The following ZNF462 variants were observed in gnomAD, a reference collection of about 807,000 sequenced individuals.
ZNF462 encodes zinc finger PBX1-interacting protein.
In ZNF462, 10 loss-of-function variants were observed where a neutral mutation model predicts 201.9. The ratio of observed to expected loss-of-function variants is 0.05; its 90% CI spans 0.03 to 0.08. The LOEUF (loss-of-function observed/expected upper bound fraction) is 0.08, where lower values mean the gene tolerates loss of function less well. ZNF462 is among the 10% of genes least tolerant of loss of function. The pLI, the probability that ZNF462 is intolerant of heterozygous loss-of-function variation, is 1.00. For missense variants in ZNF462, 2,523 were observed against 3,168.3 expected, an observed-to-expected ratio of 0.80 and a Z score of 4.89; for synonymous variants, 1,227 against 1,193.3, an observed-to-expected ratio of 1.03 and a Z score of -0.58.
chr9:106,924,028 C>A lies in ZNF462; in HGVS notation c.221-105C>A. On this transcript the variant is annotated intron_variant, in intron 2 of 12. Transcript: ENST00000277225. The surrounding 1 kb of genome is among the most constrained non-coding windows in gnomAD (Gnocchi z 6.2). ...TCATCTTGAGACTTCAGGCCTTTTG[C>A]ATGTGATGTTTAGTAATGAAGAATA... 1.0e-6 allele frequency: 1 copy of A among 982,940 alleles called. No homozygotes were observed. Among genetic ancestry groups the A allele is most frequent in the Non-Finnish European group, 1.5e-6 (1 of 677,162 alleles). 60.9% of individuals were successfully genotyped at this position (982,940 alleles called of 1,614,324 possible).
In ZNF462 at chr9:106,935,521, A is replaced by G. The variant is rs1187520226; in HGVS notation, c.6135A>G (p.Gln2045=). Residue 2045 remains glutamine (Q), a synonymous_variant, in exon 6 of 13, where the codon CAA becomes CAG. Transcript: ENST00000277225. The surrounding 1 kb of genome is among the most constrained non-coding windows in gnomAD (Gnocchi z 4.1). ...CATCAAGTTTGGATCGCCATATGCAAACCCACCACGGACACCATAAACCAT... is the reference window on the plus strand; with the variant it reads ...CATCAAGTTTGGATCGCCATATGCAGACCCACCACGGACACCATAAACCAT... The part of the protein sequence containing the change: ...AFRHNLDRHM[Q]THHGHHKPFR... 1.2e-6 allele frequency: 2 copies of G among 1,614,066 alleles called. No individual in the cohort carries two copies. Among genetic ancestry groups the G allele is most frequent in the South Asian group, 1.1e-5 (1 of 91,064 alleles).
chr9:106,967,530 AG>A lies in ZNF462; in HGVS notation c.6428-4473del, dbSNP rs1177104220. ...GCAAAAAAAAAAGTCCAATTTCTCC[AG>A]GAACATGAAAAATGAGAGGGTTAGG... On this transcript the variant is annotated intron_variant, in intron 7 of 12. Coordinates refer to ENST00000277225, the MANE Select transcript of ZNF462 (RefSeq NM_021224.6). Among the ~76,000 whole-genome samples, 3 of 152,068 alleles carry A rather than the reference AG, an allele frequency of 2.0e-5. No homozygotes were observed. The East Asian group carries it at 5.8e-4, about 29-fold the overall frequency.
chr9:106,930,256 G>A lies in ZNF462; in HGVS notation c.5848-269G>A, dbSNP rs1342839479. On this transcript the variant is annotated intron_variant, in intron 3 of 12. Transcript: ENST00000277225. The surrounding 1 kb of genome is among the most constrained non-coding windows in gnomAD (Gnocchi z 5.8). ...CTAGTTGAAACTGGTTTGAAAACCA[G>A]ATGACTTAGTGGCAGTGACGATGAG... 7.9e-5 allele frequency among the ~76,000 whole-genome samples: 12 copies of A among 152,178 alleles called. No homozygotes were observed.
chr9:106,922,027 A>C (rs1389171562), intron 1 of ZNF462, among the ~76,000 whole-genome samples: 5 of 152,242 alleles, frequency 3.3e-5, no homozygotes, highest in African/African-American at 1.2e-4. Flanking sequence ...GGCGATCAGG[A>C]GGAGCATTCT....
intron 1 of ZNF462, among the ~76,000 whole-genome samples, chr9:106,908,845 C>T (rs2131269488): frequency 7.7e-6 from 1 of 129,352 alleles, no homozygotes; most frequent in African/African-American, 2.9e-5. Flanking sequence ...TTGTTAACTT[C>T]AGAAATGAAA....
At chr9:106,964,141 A>G (rs540733145) in intron 7 of ZNF462, among the ~76,000 whole-genome samples, 1 of 151,982 alleles carries the variant, frequency 6.6e-6, no homozygotes, top group Non-Finnish European at 1.5e-5. Flanking sequence ...ATGGGAGTAC[A>G]TATCTCTTCA....
rs1564086724 is a variant in ZNF462, at chr9:106,902,522, G to GTTT, written c.-30-20831_-30-20830insTTT. On this transcript the variant is annotated intron_variant, in intron 1 of 12. Transcript: ENST00000277225. The surrounding 1 kb of genome is among the most constrained non-coding windows in gnomAD (Gnocchi z 4.2). ...GTACAAATTCTTTTTTGAATGTCTCGTAGAATTCTGCTGTGAATCCATCTG... is the reference window on the plus strand; with the variant it reads ...GTACAAATTCTTTTTTGAATGTCTCGTTTTAGAATTCTGCTGTGAATCCATCTG... 6.6e-6 allele frequency among the ~76,000 whole-genome samples: 1 copy of GTTT among 152,016 alleles called. No homozygotes were observed. The highest frequency in any genetic ancestry group is 1.9e-4 in the East Asian group (1 of 5,184).
chr9:106,909,577 T>C (rs1416183044), intron 1 of ZNF462, among the ~76,000 whole-genome samples: 1 of 152,174 alleles, frequency 6.6e-6, no homozygotes, highest in East Asian at 1.9e-4. Flanking sequence ...GAAAATCATT[T>C]TTTATTACTT....
intron 1 of ZNF462, among the ~76,000 whole-genome samples, chr9:106,864,052 CTCTCTCTCTCTCTCTCT>C (rs1827186677): frequency 1.8e-5 from 1 of 55,994 alleles, no homozygotes; most frequent in African/African-American, 8.4e-5. Context: ...CTCTCTCTCT[CTCTCTCTCTCTCTCTCT>C]CTCTCTCTCT....
chr9:106,964,210 G>A (rs886264444), intron 7 of ZNF462, among the ~76,000 whole-genome samples: 5 of 151,896 alleles, frequency 3.3e-5, no homozygotes, highest in African/African-American at 4.8e-5. Flanking sequence ...TTGATCATAC[G>A]ATAGTTCTGT....
intron 7 of ZNF462, among the ~76,000 whole-genome samples, chr9:106,971,434 C>G (rs1248412480): frequency 1.3e-5 from 2 of 151,486 alleles, no homozygotes; most frequent in Non-Finnish European, 2.9e-5. Context: ...ACTTTGAAAC[C>G]TTTAACCTCA....
In ZNF462 at chr9:106,932,237, CATGT is replaced by C; in HGVS notation, c.6013-208_6013-205del. ...ATGGATATTTATTTTGTTGGTGGGG[CATGT>C]GTGTGTGTGTGGTTCTCTTAGCAGG... is the stretch of plus-strand genomic sequence containing the variant. On this transcript the variant is annotated intron_variant, in intron 4 of 12. Coordinates refer to ENST00000277225, the MANE Select transcript of ZNF462 (RefSeq NM_021224.6). This position sits in a 1 kb window ranked among gnomAD's most constrained non-coding sequence, Gnocchi z 6.8. The C allele has an allele frequency of 6.5e-7, 1 of 1,546,800 alleles. No individual in the cohort carries two copies.
Position 106,929,198 on chromosome 9 carries a change from G to T in ZNF462, c.5286G>T (p.Arg1762=). Residue 1762 remains arginine, a synonymous_variant, in exon 3 of 13, where the codon CGG becomes CGT. Transcript: ENST00000277225. The surrounding 1 kb of genome is among the most constrained non-coding windows in gnomAD (Gnocchi z 8.7). ...DSPQLSEELR[R]AVEKKKCSLC... The stretch of plus-strand genomic sequence containing the variant: ...CTCAGCTGAGCGAGGAACTCCGGCG[G>T]GCAGTGGAGAAGAAAAAGTGCTCCT... 6.2e-7 allele frequency: 1 copy of T among 1,614,166 alleles called. No individual in the cohort carries two copies. Among genetic ancestry groups the T allele is most frequent in the East Asian group, 2.2e-5 (1 of 44,864 alleles).
At chr9:106,861,245 A>G (rs1827057960), upstream of ZNF462, among the ~76,000 whole-genome samples, 1 of 151,918 alleles carries the variant, frequency 6.6e-6, no homozygotes, top group Admixed American at 6.6e-5. Context: ...GGGTCGGGAA[A>G]ATCTTGGAAA....
intron 1 of ZNF462, among the ~76,000 whole-genome samples, chr9:106,871,312 A>T (rs562187653): frequency 2.6e-5 from 4 of 152,362 alleles, no homozygotes; most frequent in Non-Finnish European, 2.9e-5. Flanking sequence ...CAGAAAAGCA[A>T]ACAGTAGCAT....
chr9:106,984,301 G>T lies in ZNF462; in HGVS notation c.6948G>T (p.Gln2316His). Residue 2316 changes from glutamine (Q) to histidine (H), a missense_variant, in exon 10 of 13, where the codon CAG becomes CAT. By Grantham distance (24) the Gln-to-His change is conservative. This residue lies in a region of ZNF462 where 228 missense variants were observed against 361.2 expected (regional missense o/e 0.63). Coordinates refer to ENST00000277225, the MANE Select transcript of ZNF462 (RefSeq NM_021224.6). This position sits in a 1 kb window ranked among gnomAD's most constrained non-coding sequence, Gnocchi z 6.4. ...CCTGCTCCAGTGATGAGAGCCTCCA[G>T]CAACATATAGAAAAGCACAATGAAC... ...TFTCSSDESL[Q>H]QHIEKHNELK... is the part of the protein sequence containing the mutation. The T allele has an allele frequency of 6.2e-7, 1 of 1,614,082 alleles. No individual in the cohort carries two copies. The highest frequency in any genetic ancestry group is 8.5e-7 in the Non-Finnish European group (1 of 1,179,984).
chr9:106,891,775 T>C (rs1345724589), intron 1 of ZNF462, among the ~76,000 whole-genome samples: 3 of 152,068 alleles, frequency 2.0e-5, no homozygotes, highest in South Asian at 4.1e-4. Flanking sequence ...GGCTTTTTGT[T>C]CCCCCCTCTG....
intron 7 of ZNF462, among the ~76,000 whole-genome samples, chr9:106,959,414 A>C (rs1831727478): frequency 1.3e-5 from 2 of 152,104 alleles, no homozygotes; most frequent in Non-Finnish European, 2.9e-5. Context: ...ATAAACACTT[A>C]CTTGGTGCAG....
In ZNF462 at chr9:106,870,416, C is replaced by T. The variant is rs772880505; in HGVS notation, c.-31+7061C>T. Among the ~76,000 whole-genome samples the T allele has an allele frequency of 2.6e-5, 4 of 152,132 alleles. No homozygotes were observed. Among genetic ancestry groups the T allele is most frequent in the Non-Finnish European group, 5.9e-5 (4 of 68,026 alleles). ...GGATATTAATAAAATACTTGTGCTG[C>T]GCCTGTCCACATCTTACCCCCAACC... On this transcript the variant is annotated intron_variant, in intron 1 of 12. Coordinates refer to ENST00000277225, the MANE Select transcript of ZNF462 (RefSeq NM_021224.6). The surrounding 1 kb of genome is among the most constrained non-coding windows in gnomAD (Gnocchi z 4.3).
Sources: gnomAD v4.1 joint callset for allele counts (sites outside exome capture counted in the v4.1 genomes callset) on GRCh38, gnomAD v4.1.1 for gene constraint, gnomAD v4.1.1 regional missense constraint, Gnocchi (gnomAD v3.1) non-coding constraint, MANE v1.5 for transcripts, NCBI Gene and HGNC (gene_info 2026-07-23, HGNC 2026-07-21) for gene names.